The following GTF3C1 variants were observed in gnomAD, a reference collection of about 807,000 sequenced individuals.
GTF3C1 encodes general transcription factor IIIC subunit 1, also known as general transcription factor 3C polypeptide 1.
A neutral mutation model predicts 226.7 loss-of-function variants in GTF3C1; 57 were observed. That is an observed-to-expected ratio of 0.25 (90% CI 0.20 to 0.31). The LOEUF (loss-of-function observed/expected upper bound fraction) is 0.31, where lower values mean the gene tolerates loss of function less well. Ranked by LOEUF, GTF3C1 falls within the 10% of genes least tolerant of loss-of-function variation. GTF3C1 has a pLI of 1.00. For missense variants in GTF3C1, 2,217 were observed against 2,776.1 expected, an observed-to-expected ratio of 0.80 and a Z score of 4.53; for synonymous variants, 1,090 against 1,084.8, an observed-to-expected ratio of 1.00 and a Z score of -0.09.
At chr16:27,490,888 T>C (rs2088223703) in intron 19 of GTF3C1, among the ~76,000 whole-genome samples, 1 of 152,232 alleles carries the variant, frequency 6.6e-6, no homozygotes, top group Non-Finnish European at 1.5e-5. Flanking sequence ...GCCTGATTAC[T>C]GGGGCTCAAT....
At chr16:27,535,529 C>T (rs1385814320) in intron 4 of GTF3C1, among the ~76,000 whole-genome samples, 7 of 149,740 alleles carry the variant, frequency 4.7e-5, no homozygotes, top group Non-Finnish European at 1.0e-4. Flanking sequence ...GAGCCGAGAT[C>T]GTGCCACTGC....
chr16:27,506,207 G>C, intron 9 of GTF3C1, 91 bp from the exon 10 acceptor site: 1 of 681,624 alleles, frequency 1.5e-6, no homozygotes, highest in Non-Finnish European at 2.6e-6. Context: ...ACAGGCCAAA[G>C]GATTCTGCTG....
At chr16:27,513,367 T>C (rs1316655297) in intron 6 of GTF3C1, among the ~76,000 whole-genome samples, 4 of 152,130 alleles carry the variant, frequency 2.6e-5, no homozygotes, top group African/African-American at 7.2e-5. Context: ...AGTGAGAGGA[T>C]TGCTTGAGCC....
intron 14 of GTF3C1, among the ~76,000 whole-genome samples, chr16:27,497,057 C>G (rs2088330180): frequency 6.6e-6 from 1 of 152,236 alleles, no homozygotes; most frequent in African/African-American, 2.4e-5. Flanking sequence ...GGACCTGACG[C>G]TGCCTGACAG....
At chr16:27,497,901 C>G in intron 13 of GTF3C1, 80 bp from the exon 14 acceptor site, 1 of 1,153,098 alleles carries the variant, frequency 8.7e-7, no homozygotes, top group South Asian at 1.5e-5. Flanking sequence ...CTGCATGAAT[C>G]AGATACAGCC....
chr16:27,503,072 A>G, intron 10 of GTF3C1, 77 bp from the exon 11 acceptor site: 1 of 1,081,072 alleles, frequency 9.3e-7, no homozygotes, highest in South Asian at 1.3e-5. Context: ...CTGTGGGTGC[A>G]CTGGCCCTCT....
chr16:27,514,034 T>C (rs2088617126), intron 6 of GTF3C1, among the ~76,000 whole-genome samples: 1 of 152,150 alleles, frequency 6.6e-6, no homozygotes, highest in Non-Finnish European at 1.5e-5. Context: ...TCTCAGGGCC[T>C]GGAACTCAGG....
chr16:27,481,961 G>A (rs925566400), intron 26 of GTF3C1, among the ~76,000 whole-genome samples: 1 of 152,166 alleles, frequency 6.6e-6, no homozygotes, highest in African/African-American at 2.4e-5. Flanking sequence ...TTTGCTGTGG[G>A]GAGGGAGGAT....
chr16:27,483,229 T>A, intron 25 of GTF3C1, 104 bp from the exon 26 acceptor site: 1 of 1,093,410 alleles, frequency 9.1e-7, no homozygotes, highest in Non-Finnish European at 1.4e-6. Context: ...TGGCCGACCT[T>A]GAAGCATGAG....
chr16:27,465,647 G>T, intron 32 of GTF3C1, 107 bp from the exon 33 acceptor site: 1 of 878,280 alleles, frequency 1.1e-6, no homozygotes, highest in Non-Finnish European at 1.7e-6. Flanking sequence ...CCAACTCACT[G>T]CTTCCCCGAC....
chr16:27,504,529 G>A (rs925238260), intron 10 of GTF3C1, among the ~76,000 whole-genome samples: 5 of 152,220 alleles, frequency 3.3e-5, no homozygotes, highest in African/African-American at 9.6e-5. Context: ...GAGAAGCGGC[G>A]TAGGGTAGGG....
chr16:27,528,363 CTA>C (rs1413755797), intron 6 of GTF3C1, among the ~76,000 whole-genome samples: 7 of 152,154 alleles, frequency 4.6e-5, no homozygotes, highest in Non-Finnish European at 7.3e-5. Context: ...CCTGATAAAA[CTA>C]TGATTTTGGA....
In GTF3C1 at chr16:27,464,424, C is replaced by T; in HGVS notation, c.5768G>A (p.Gly1923Glu). The change falls in exon 34 of 37, where the codon GGA becomes GAA. Residue 1923 changes from glycine to glutamate, a missense_variant. Around this residue, in one of 12 missense-constraint regions of GTF3C1, gnomAD observed 455 missense variants for 441.9 expected, o/e 1.03. Coordinates refer to ENST00000356183, the MANE Select transcript of GTF3C1 (RefSeq NM_001520.4). ...ACCCTCTTGGTCTTCCTGTGCTGCTCCCGCTGCAGCGGTGTCTTCAAGAGC... is the reference window on the plus strand; with the variant it reads ...ACCCTCTTGGTCTTCCTGTGCTGCTTCCGCTGCAGCGGTGTCTTCAAGAGC... ...PPALEDTAAA[G>E]AAQEDQEGVG... 6.2e-7 allele frequency: 1 copy of T among 1,603,776 alleles called. No homozygotes were observed. The highest frequency in any genetic ancestry group is 8.5e-7 in the Non-Finnish European group (1 of 1,174,794).
rs764294303 is a variant in GTF3C1 at position 27,484,200 on chromosome 16, A to G, written c.4001+11T>C. ...CGTGTCCCGGAGTGACGGGGCTTCA[A>G]TGAGGCTTACTTATAGTTGAGATAG... On this transcript the variant is annotated intron_variant, in intron 25 of 36. Transcript: ENST00000356183. The G allele has an allele frequency of 1.9e-5, 31 of 1,591,196 alleles. No homozygotes were observed. The highest frequency in any genetic ancestry group is 7.7e-5 in the South Asian group (7 of 90,666).
intron 6 of GTF3C1, among the ~76,000 whole-genome samples, chr16:27,520,641 G>A (rs1440085409): frequency 1.3e-5 from 2 of 152,164 alleles, no homozygotes; most frequent in East Asian, 1.9e-4. Context: ...TTATATAAAC[G>A]CTCTTGGTAT....
chr16:27,474,319 C>T (rs192911286), intron 29 of GTF3C1, among the ~76,000 whole-genome samples: 21 of 152,276 alleles, frequency 1.4e-4, no homozygotes, highest in Admixed American at 1.2e-3. Context: ...AGCCCAGGTG[C>T]CACCTGGAGA....
In GTF3C1 at chr16:27,483,043, C is replaced by T. The variant is rs1356114537; in HGVS notation, c.4083+1G>A. ...AAGCCCTACACTCACACAGGACCTA[C>T]CTTTGGGTCATCATAGTCACCTCTT... On this transcript the variant is annotated splice_donor_variant, in intron 26 of 36. Transcript: ENST00000356183. LOFTEE classifies it high-confidence loss of function. 3 of 1,613,856 alleles carry T rather than the reference C, an allele frequency of 1.9e-6. No homozygotes were observed. The highest frequency in any genetic ancestry group is 8.5e-7 in the Non-Finnish European group (1 of 1,179,836).
chr16:27,470,405 AAAAG>A lies in GTF3C1; in HGVS notation c.4527-14_4527-11del, dbSNP rs1180801806. ...TCGCCACGTAAAAATCCTACAGACAAAAAGAAAGGAAGGGCCTGACTGAGGGCCA... is the reference window on the plus strand; with the variant it reads ...TCGCCACGTAAAAATCCTACAGACAAAAAGGAAGGGCCTGACTGAGGGCCA... On this transcript the variant is annotated splice_polypyrimidine_tract_variant and intron_variant, in intron 30 of 36. Transcript: ENST00000356183. This position sits in a 1 kb window ranked among gnomAD's most constrained non-coding sequence, Gnocchi z 4.9. 1.9e-6 allele frequency: 3 copies of A among 1,610,474 alleles called. No individual in the cohort carries two copies. Among genetic ancestry groups the A allele is most frequent in the Admixed American group, 1.7e-5 (1 of 59,740 alleles).
intron 6 of GTF3C1, among the ~76,000 whole-genome samples, chr16:27,520,964 C>G (rs551310752): frequency 6.6e-6 from 1 of 152,330 alleles, no homozygotes; most frequent in African/African-American, 2.4e-5. Flanking sequence ...AGTGATCCAC[C>G]CACCTGGGCC....
Sources: allele counts gnomAD v4.1 joint callset (sites outside exome capture counted in the v4.1 genomes callset), GRCh38; gene constraint gnomAD v4.1.1; regional missense constraint gnomAD v4.1.1; non-coding constraint Gnocchi (gnomAD v3.1); transcripts MANE v1.5; gene names NCBI Gene and HGNC (gene_info 2026-07-23, HGNC 2026-07-21).